Variants in PIK3C2G observed in about 807,000 individuals in gnomAD.
PIK3C2G encodes phosphatidylinositol-4-phosphate 3-kinase catalytic subunit type 2 gamma, also known as phosphatidylinositol 3-kinase C2 domain-containing subunit gamma.
PIK3C2G carries 168 observed loss-of-function variants against 181.1 expected under a neutral mutation model. The ratio of observed to expected loss-of-function variants is 0.93; its 90% CI spans 0.82 to 1.05. PIK3C2G has a LOEUF of 1.05. Ranked by LOEUF, PIK3C2G falls within the 50% of genes least tolerant of loss-of-function variation. PIK3C2G has a pLI of 0.00. For missense variants in PIK3C2G, 1,869 were observed against 1,732.8 expected (o/e 1.08, Z -1.40); for synonymous variants, 573 against 592.2 (o/e 0.97, Z 0.47).
chr12:18,578,928 T>C (rs1946358666), intron 29 of PIK3C2G, among the ~76,000 whole-genome samples: 1 of 152,154 alleles, frequency 6.6e-6, no homozygotes, highest in Admixed American at 6.5e-5. Flanking sequence ...AGAAAAATTC[T>C]CCTAAAATGT....
At chr12:18,471,452 T>G (rs1156785494) in intron 18 of PIK3C2G, among the ~76,000 whole-genome samples, 6 of 152,184 alleles carry the variant, frequency 3.9e-5, no homozygotes, top group Non-Finnish European at 7.4e-5. Flanking sequence ...TTGTAACCTT[T>G]TCACTAATCC....
At chr12:18,700,086 T>C in the PIK3C2G span, 1 of 724,394 alleles carries the variant, frequency 1.4e-6, no homozygotes, top group Non-Finnish European at 2.3e-6. Flanking sequence ...CACCATTTGA[T>C]TAACTCAATA....
At chr12:18,621,299 A>C (rs1361558083) in intron 31 of PIK3C2G, among the ~76,000 whole-genome samples, 1 of 152,012 alleles carries the variant, frequency 6.6e-6, no homozygotes, top group Non-Finnish European at 1.5e-5. Context: ...ACATTCTAAA[A>C]AATAAGTGAA....
chr12:18,572,508 C>G (rs1946008010), intron 29 of PIK3C2G, among the ~76,000 whole-genome samples: 1 of 151,004 alleles, frequency 6.6e-6, no homozygotes, highest in Admixed American at 6.6e-5. Flanking sequence ...ATATAATCTG[C>G]TGATACATAT....
chr12:18,673,976 A>T, the PIK3C2G span, among the ~76,000 whole-genome samples: 2 of 152,222 alleles, frequency 1.3e-5, no homozygotes, highest in Non-Finnish European at 2.9e-5. Context: ...CATCACCTTC[A>T]TGTTGCTGTA....
intron 31 of PIK3C2G, among the ~76,000 whole-genome samples, chr12:18,615,488 T>C (rs1948568626): frequency 6.6e-6 from 1 of 151,848 alleles, no homozygotes; most frequent in African/African-American, 2.4e-5. Context: ...GATGGGCATC[T>C]AGACTGTTTC....
chr12:18,348,083 A>G (rs1319376199), intron 11 of PIK3C2G, among the ~76,000 whole-genome samples: 1 of 152,004 alleles, frequency 6.6e-6, no homozygotes, highest in Non-Finnish European at 1.5e-5. Context: ...CTAACCATCA[A>G]TAAATACTCC....
At chr12:18,503,946 C>T (rs1187243405) in intron 23 of PIK3C2G, among the ~76,000 whole-genome samples, 2 of 152,106 alleles carry the variant, frequency 1.3e-5, no homozygotes, top group Non-Finnish European at 2.9e-5. Context: ...CAGGTTCTGC[C>T]CTGTATTAGG....
In PIK3C2G at chr12:18,304,966, TATC is replaced by T. The variant is rs1268865784; in HGVS notation, c.1035-8993_1035-8991del. On this transcript the variant is annotated intron_variant, in intron 5 of 32. Coordinates refer to ENST00000538779, the MANE Select transcript of PIK3C2G (RefSeq NM_001288772.2). ...CCATGTGGGAGGATAGAAAGGAACA[TATC>T]ATAACTTTGAGCTATCTCACACACA... 3.3e-5 allele frequency among the ~76,000 whole-genome samples: 5 copies of T among 152,322 alleles called. No individual in the cohort carries two copies. The South Asian group carries it at 1.0e-3, about 32-fold the overall frequency.
At chr12:18,712,858 T>G in the PIK3C2G span, 1 of 1,613,836 alleles carries the variant, frequency 6.2e-7, no homozygotes, top group South Asian at 1.1e-5. Flanking sequence ...TGCATACTTG[T>G]GTATAGCTTG....
chr12:18,659,115 G>A, the PIK3C2G span, among the ~76,000 whole-genome samples: 4 of 152,052 alleles, frequency 2.6e-5, no homozygotes, highest in African/African-American at 9.7e-5. Context: ...CTAAAAGTGG[G>A]CCAAGATAGG....
rs1201591553 is a variant in PIK3C2G at position 18,399,813 on chromosome 12, C to A, written c.2281C>A (p.Gln761Lys). The change falls in exon 16 of 33, where the codon CAA becomes AAA. Residue 761 changes from glutamine to lysine, a missense_variant. By Grantham distance (53) the Gln-to-Lys change is moderately conservative. Transcript: ENST00000538779. ...CATTTTGAGAAGATGGACATTTTCT[C>A]AACCTTTAGAGGCTCTTGGGCTTTT... ...HTILRRWTFSQPLEALGLLTS... is the reference protein window; with the variant it reads ...HTILRRWTFSKPLEALGLLTS... The A allele has an allele frequency of 6.2e-7, 1 of 1,602,276 alleles. No homozygotes were observed. The highest frequency in any genetic ancestry group is 8.5e-7 in the Non-Finnish European group (1 of 1,171,490).
intron 17 of PIK3C2G, among the ~76,000 whole-genome samples, chr12:18,423,663 T>C (rs1435654299): frequency 6.6e-6 from 1 of 152,182 alleles, no homozygotes; most frequent in African/African-American, 2.4e-5. Flanking sequence ...TTTGTGTCAG[T>C]ATTCTCCCCT....
chr12:18,722,028 G>T, the PIK3C2G span, among the ~76,000 whole-genome samples: 1 of 151,944 alleles, frequency 6.6e-6, no homozygotes, highest in Admixed American at 6.6e-5. Flanking sequence ...CAGTCCTCCT[G>T]TTCCTTCAGT....
chr12:18,677,011 A>G, the PIK3C2G span, among the ~76,000 whole-genome samples: 5 of 152,206 alleles, frequency 3.3e-5, no homozygotes, highest in African/African-American at 1.2e-4. Context: ...TATTTGTCAT[A>G]AATCACCATG....
intron 11 of PIK3C2G, among the ~76,000 whole-genome samples, chr12:18,355,584 A>G (rs1940647291): frequency 6.6e-6 from 1 of 152,108 alleles, no homozygotes; most frequent in South Asian, 2.1e-4. Context: ...CCTGGCCCCA[A>G]AGACTACCCT....
Position 18,290,930 on chromosome 12 carries a change from G to A in PIK3C2G, c.837G>A (p.Pro279=), listed in dbSNP as rs373737858. Residue 279 remains proline, a synonymous_variant, in exon 4 of 33, where the codon CCG becomes CCA. Coordinates refer to ENST00000538779, the MANE Select transcript of PIK3C2G (RefSeq NM_001288772.2). The stretch of plus-strand genomic sequence containing the variant: ...TCTGGAGCACTACTACAGCATTTCC[G>A]TATCAGCTCTTTTCTAAGACCAAGT... The part of the protein sequence containing the change: ...GKIWSTTTAF[P]YQLFSKTKFN... The A allele has an allele frequency of 4.4e-5, 70 of 1,582,066 alleles. No homozygotes were observed. Among genetic ancestry groups the A allele is most frequent in the African/African-American group, 5.4e-5 (4 of 74,352 alleles).
chr12:18,482,867 C>T (rs981613232), intron 18 of PIK3C2G, among the ~76,000 whole-genome samples: 18 of 152,282 alleles, frequency 1.2e-4, no homozygotes, highest in African/African-American at 3.9e-4. Flanking sequence ...ACACCCCCAC[C>T]TGCAAATATG....
At chr12:18,699,694 G>T in the PIK3C2G span, 1 of 1,251,200 alleles carries the variant, frequency 8.0e-7, no homozygotes, top group Non-Finnish European at 1.2e-6. Context: ...GAAATTTTAT[G>T]AGAATATACA....
Sources: gnomAD v4.1 joint callset for allele counts (sites outside exome capture counted in the v4.1 genomes callset) on GRCh38, gnomAD v4.1.1 for gene constraint, MANE v1.5 for transcripts, NCBI Gene and HGNC (gene_info 2026-07-23, HGNC 2026-07-21) for gene names.